The following KREMEN1 variants were observed in gnomAD, a reference collection of about 807,000 sequenced individuals.
KREMEN1 encodes kringle containing transmembrane protein 1, also known as kremen protein 1.
KREMEN1 carries 30 observed loss-of-function variants against 46.5 expected under a neutral mutation model. The ratio of observed to expected loss-of-function variants is 0.65; its 90% CI spans 0.48 to 0.88. The LOEUF (loss-of-function observed/expected upper bound fraction) is 0.88. Among genes scored for constraint, KREMEN1 ranks in the 40% least tolerant of loss-of-function variants. The pLI is 0.00. For missense variants in KREMEN1, 533 were observed against 596.9 expected (o/e 0.89, Z 1.11); for synonymous variants, 214 against 230.6 (o/e 0.93, Z 0.65).
At chr22:29,154,370 T>C (rs2038943112) in intron 9 of KREMEN1, 1 of 152,268 alleles carries the variant, frequency 6.6e-6, no homozygotes, top group Admixed American at 6.5e-5. Context: ...TACCCTTTTC[T>C]GCCGACTCCC....
chr22:29,093,645 T>C (rs1205777965), intron 1 of KREMEN1, among the ~76,000 whole-genome samples: 1 of 152,224 alleles, frequency 6.6e-6, no homozygotes, highest in Non-Finnish European at 1.5e-5. Flanking sequence ...TCCTCCCTCA[T>C]GTTGACTGTC....
intron 3 of KREMEN1, among the ~76,000 whole-genome samples, chr22:29,117,159 G>C (rs531605990): frequency 6.6e-6 from 1 of 152,160 alleles, no homozygotes; most frequent in African/African-American, 2.4e-5. Flanking sequence ...CTGTGTGTGT[G>C]TGTGTACATG....
intron 9 of KREMEN1, among the ~76,000 whole-genome samples, chr22:29,166,399 C>T (rs2039052992): frequency 6.6e-6 from 1 of 152,180 alleles, no homozygotes; most frequent in Non-Finnish European, 1.5e-5. Context: ...CTGCTCCTCA[C>T]ATCTGCTGGG....
intron 9 of KREMEN1, among the ~76,000 whole-genome samples, chr22:29,162,407 TC>T (rs35322672): frequency 0.32 from 49,101 of 151,720 alleles, 9,865 homozygotes; most frequent in African/African-American, 0.56. Context: ...ACTGAAGCAT[TC>T]CCCCTTGGAA....
chr22:29,119,211 A>G (rs1053509474), intron 3 of KREMEN1, among the ~76,000 whole-genome samples: 8 of 152,136 alleles, frequency 5.3e-5, no homozygotes, highest in African/African-American at 1.9e-4. Flanking sequence ...TAAAATTAAA[A>G]GGCTATAGGT....
chr22:29,155,102 T>C (rs2038949349), intron 9 of KREMEN1, among the ~76,000 whole-genome samples: 1 of 109,000 alleles, frequency 9.2e-6, no homozygotes, highest in African/African-American at 3.3e-5. Context: ...GAACAAAGCA[T>C]AAGTGTAATT....
intron 5 of KREMEN1, among the ~76,000 whole-genome samples, chr22:29,132,294 C>T (rs2038576857): frequency 6.6e-6 from 1 of 152,168 alleles, no homozygotes; most frequent in East Asian, 1.9e-4. Flanking sequence ...CACCAATTGA[C>T]AAACATTGGT....
chr22:29,133,038 G>A (rs533148610), intron 5 of KREMEN1, among the ~76,000 whole-genome samples: 1 of 152,086 alleles, frequency 6.6e-6, no homozygotes, highest in Non-Finnish European at 1.5e-5. Context: ...CACGAGGTCA[G>A]GAGATCGAGA....
chr22:29,156,302 A>G (rs1347037052), intron 9 of KREMEN1, among the ~76,000 whole-genome samples: 1 of 152,268 alleles, frequency 6.6e-6, no homozygotes, highest in Non-Finnish European at 1.5e-5. Flanking sequence ...TCTCTTTGTT[A>G]ACTACAAAAT....
intron 1 of KREMEN1, among the ~76,000 whole-genome samples, chr22:29,080,667 G>A (rs1326906888): frequency 6.6e-6 from 1 of 152,202 alleles, no homozygotes; most frequent in African/African-American, 2.4e-5. Context: ...GTTAATGGGT[G>A]TGACACTTTC....
intron 3 of KREMEN1, among the ~76,000 whole-genome samples, chr22:29,116,263 G>T (rs1055338697): frequency 6.6e-6 from 1 of 152,192 alleles, no homozygotes; most frequent in Non-Finnish European, 1.5e-5. Context: ...TGATGCAGTG[G>T]TCTAAGTGAA....
chr22:29,137,456 CG>C lies in KREMEN1; in HGVS notation c.751del (p.Ala251ProfsTer31), dbSNP rs1569334298. ...GRVCYWTIRV[P>X]GASHIHFSFP... ...GTCTGCTACTGGACCATCCGGGTTCCGGGGGCCTCCCACATCCACTTCAGCT... is the reference window on the plus strand; with the variant it reads ...GTCTGCTACTGGACCATCCGGGTTCCGGGGCCTCCCACATCCACTTCAGCT... On this transcript the variant is annotated frameshift_variant, in exon 6 of 9. Transcript: ENST00000400335. LOFTEE classifies it high-confidence loss of function. The C allele has an allele frequency of 3.7e-6, 6 of 1,605,108 alleles. No individual in the cohort carries two copies. Among genetic ancestry groups the C allele is most frequent in the East Asian group, 2.2e-5 (1 of 44,570 alleles).
At chr22:29,163,897 C>T (rs1005774100) in intron 9 of KREMEN1, among the ~76,000 whole-genome samples, 2 of 151,966 alleles carry the variant, frequency 1.3e-5, no homozygotes, top group Non-Finnish European at 2.9e-5. Context: ...AACAAACCTG[C>T]GTATGTACGC....
At position 29,086,709 on chromosome 22, in the gene KREMEN1, C is replaced by T. The variant is rs377111212; in HGVS notation, c.98-7549C>T. Among the ~76,000 whole-genome samples, 5 of 152,094 alleles carry T rather than the reference C, an allele frequency of 3.3e-5. No individual in the cohort carries two copies. The East Asian group carries it at 9.6e-4, about 29-fold the overall frequency. On this transcript the variant is annotated intron_variant, in intron 1 of 8. Coordinates refer to ENST00000400335, the MANE Select transcript of KREMEN1 (RefSeq NM_001039570.3). Reference sequence around the variant, plus strand: ...AGTCCGTATTTGAAACCCAACAGGGCGATAGGTGTGCTATGTGAATATTTG... The same window carrying T: ...AGTCCGTATTTGAAACCCAACAGGGTGATAGGTGTGCTATGTGAATATTTG...
intron 9 of KREMEN1, among the ~76,000 whole-genome samples, chr22:29,152,904 G>A (rs1223035166): frequency 6.6e-6 from 1 of 152,210 alleles, no homozygotes; most frequent in African/African-American, 2.4e-5. Context: ...AGGAATAAAG[G>A]AGGGCTACTC....
chr22:29,131,504 A>C (rs2038532206), intron 5 of KREMEN1, among the ~76,000 whole-genome samples: 1 of 133,584 alleles, frequency 7.5e-6, no homozygotes, highest in East Asian at 2.1e-4. Context: ...CCTCAGCAAC[A>C]ACTGATCTGT....
intron 1 of KREMEN1, among the ~76,000 whole-genome samples, chr22:29,086,594 A>G (rs1484093939): frequency 6.6e-6 from 1 of 152,154 alleles, no homozygotes; most frequent in Non-Finnish European, 1.5e-5. Flanking sequence ...CATAACTGAA[A>G]TCAGCTTTCC....
At chr22:29,110,492 C>T (rs2038130634) in intron 3 of KREMEN1, among the ~76,000 whole-genome samples, 1 of 152,156 alleles carries the variant, frequency 6.6e-6, no homozygotes, top group Non-Finnish European at 1.5e-5. Flanking sequence ...CACATTAACT[C>T]ACCAGAAACT....
intron 9 of KREMEN1, among the ~76,000 whole-genome samples, chr22:29,157,602 T>A (rs1221853914): frequency 6.6e-6 from 1 of 152,130 alleles, no homozygotes; most frequent in Non-Finnish European, 1.5e-5. Flanking sequence ...CCTCCCAAAG[T>A]GCTGGGATTA....
Sources: gnomAD v4.1 joint callset for allele counts (sites outside exome capture counted in the v4.1 genomes callset) on GRCh38, gnomAD v4.1.1 for gene constraint, MANE v1.5 for transcripts, NCBI Gene and HGNC (gene_info 2026-07-23, HGNC 2026-07-21) for gene names.